LIPE: variants seen among roughly 807,000 people sequenced by gnomAD.
The protein encoded by LIPE is lipase E, hormone sensitive type, also known as hormone-sensitive lipase.
Under a neutral mutation model 88.5 loss-of-function variants are expected in LIPE, and 66 were observed. The ratio of observed to expected loss-of-function variants is 0.75; its 90% CI spans 0.61 to 0.91. LIPE has a LOEUF of 0.91. Ranked by LOEUF, LIPE falls within the 40% of genes least tolerant of loss-of-function variation. The probability of loss-of-function intolerance (pLI) is 0.00; values close to 1 mark genes in which losing one functional copy is unlikely to be tolerated. For missense variants in LIPE, 1,346 were observed against 1,434.7 expected (o/e 0.94, Z 1.00); for synonymous variants, 570 against 617.5 (o/e 0.92, Z 1.14).
Position 42,401,856 on chromosome 19 carries a change from TCTCCCCGCTCGGCCCGG to T in LIPE, c.3170_3186del (p.Ala1057AspfsTer28). On this transcript the variant is annotated frameshift_variant, in exon 10 of 10. Transcript: ENST00000244289. LOFTEE classifies it low-confidence loss of function (END_TRUNC). The stretch of plus-strand genomic sequence containing the variant: ...CCCCCGTCTACCCCCGCAGCCCCCG[TCTCCCCGCTCGGCCCGG>T]CTCCGGCGGGAGGAGTGAGGACGAG... The T allele has an allele frequency of 7.2e-7, 1 of 1,390,684 alleles. No individual in the cohort carries two copies. Among genetic ancestry groups the T allele is most frequent in the Non-Finnish European group, 9.7e-7 (1 of 1,030,080 alleles). 86.1% of individuals were successfully genotyped at this position (1,390,684 alleles called of 1,614,324 possible).
At chr19:42,422,366 T>A (rs2040614762) in intron 1 of LIPE, among the ~76,000 whole-genome samples, 1 of 152,238 alleles carries the variant, frequency 6.6e-6, no homozygotes, top group African/African-American at 2.4e-5. Flanking sequence ...CCCACGTTTC[T>A]TAACTACAGT....
intron 1 of LIPE, chr19:42,425,179 C>G (rs937607805): frequency 7.3e-5 from 12 of 164,558 alleles, no homozygotes; most frequent in African/African-American, 2.6e-4. Context: ...AATGTTCTGC[C>G]TAGCCTGCCT....
chr19:42,427,131 A>G lies in LIPE; in HGVS notation c.19T>C (p.Ser7Pro). 1.9e-6 allele frequency: 3 copies of G among 1,596,966 alleles called. No individual in the cohort carries two copies. The highest frequency in any genetic ancestry group is 2.6e-6 in the Non-Finnish European group (3 of 1,174,468). MEPGSK[S>P]VSRSDWQPEP... The stretch of plus-strand genomic sequence containing the variant: ...GGTTGCCAGTCTGACCTAGACACTG[A>G]CTTAGAACCTGGCTCCATTGTTATT... The change falls in exon 1 of 10, where the codon TCA (serine) becomes CCA (proline). Residue 7 changes from serine (S) to proline (P), a missense_variant. Physicochemically the swap from Ser to Pro is moderately conservative, Grantham distance 74. Transcript: ENST00000244289.
chr19:42,423,563 G>T (rs1221392133), intron 1 of LIPE: 16 of 1,226,818 alleles, frequency 1.3e-5, no homozygotes, highest in African/African-American at 1.6e-5. Flanking sequence ...TCCCGCGGGG[G>T]CCAATTCCAG....
intron 1 of LIPE, chr19:42,412,231 C>T (rs2040396028): frequency 1.0e-6 from 1 of 977,800 alleles, no homozygotes; most frequent in Admixed American, 6.1e-5. Flanking sequence ...TGGAATGCTA[C>T]CATCTGCTCC....
chr19:42,425,794 A>G (rs1232096083), intron 1 of LIPE, among the ~76,000 whole-genome samples: 1 of 152,012 alleles, frequency 6.6e-6, no homozygotes, highest in African/African-American at 2.4e-5. Context: ...TGGGCGACAG[A>G]GTGAGACTTT....
At position 42,407,143 on chromosome 19, in the gene LIPE, G is replaced by A. The variant is rs765805864; in HGVS notation, c.2137+31C>T. 9.5e-6 allele frequency: 14 copies of A among 1,468,612 alleles called. No homozygotes were observed. Among genetic ancestry groups the A allele is most frequent in the Non-Finnish European group, 1.2e-5 (13 of 1,108,684 alleles). The allele number at this position is 1,468,612 out of a possible 1,614,324, so 91.0% of individuals were successfully genotyped here. A position where few individuals can be genotyped will look rare whatever the true frequency, so the allele number is the denominator to read the frequency against. On this transcript the variant is annotated intron_variant, in intron 6 of 9. Transcript: ENST00000244289. This position sits in a 1 kb window ranked among gnomAD's most constrained non-coding sequence, Gnocchi z 5.8. ...AGCAAGCTGGGTGGGATGGGAGCAG[G>A]CGCAGGTGGCTGTGGGGGCCTGAGG...
chr19:42,423,531 C>T (rs1409528220), intron 1 of LIPE: 12 of 1,259,412 alleles, frequency 9.5e-6, no homozygotes, highest in Non-Finnish European at 1.2e-5. Flanking sequence ...CCCCGGCCAA[C>T]TCCATCAATT....
intron 9 of LIPE, 104 bp downstream of exon 9, chr19:42,402,503 C>T (rs1568593020): frequency 1.2e-5 from 13 of 1,058,404 alleles, no homozygotes; most frequent in Admixed American, 3.3e-5. Context: ...TTTCTCCCCA[C>T]TCCGGAGCTC....
chr19:42,408,950 G>A lies in LIPE; in HGVS notation c.1420-628C>T, dbSNP rs1332337034. 6.6e-6 allele frequency among the ~76,000 whole-genome samples: 1 copy of A among 152,112 alleles called. No homozygotes were observed. The highest frequency in any genetic ancestry group is 2.4e-5 in the African/African-American group (1 of 41,420). The stretch of plus-strand genomic sequence containing the variant: ...AGGTGGTGACATTGGAGAGGCAAAG[G>A]GGGCTCATATAGGGCCTGGGCAGAG... On this transcript the variant is annotated intron_variant, in intron 2 of 9. Transcript: ENST00000244289. The surrounding 1 kb of genome is among the most constrained non-coding windows in gnomAD (Gnocchi z 4.3).
At position 42,407,258 on chromosome 19, in the gene LIPE, G is replaced by T. The variant is rs2041286294; in HGVS notation, c.2053C>A (p.Leu685Met). 2.5e-6 allele frequency: 4 copies of T among 1,601,302 alleles called. No individual in the cohort carries two copies. The highest frequency in any genetic ancestry group is 3.4e-6 in the Non-Finnish European group (4 of 1,174,276). ...CGGGGGAAGGGGGCCTCAGGGGCCAGGGAGTAGTCGATGGAGATGATGGGG... is the reference window on the plus strand; with the variant it reads ...CGGGGGAAGGGGGCCTCAGGGGCCATGGAGTAGTCGATGGAGATGATGGGG... The part of the protein sequence containing the change: ...GAPIISIDYS[L>M]APEAPFPRAL... Residue 685 changes from leucine (L) to methionine (M), a missense_variant, in exon 6 of 10, where the codon CTG becomes ATG. Leu to Met is a conservative substitution (Grantham distance 15). Coordinates refer to ENST00000244289, the MANE Select transcript of LIPE (RefSeq NM_005357.4). The surrounding 1 kb of genome is among the most constrained non-coding windows in gnomAD (Gnocchi z 5.8).
rs1327183075 is a variant in LIPE at position 42,410,529 on chromosome 19, G to C, written c.1197C>G (p.Arg399=). 1.2e-5 allele frequency: 20 copies of C among 1,612,650 alleles called. No homozygotes were observed. Among genetic ancestry groups the C allele is most frequent in the Non-Finnish European group, 1.7e-5 (20 of 1,179,994 alleles). Residue 399 remains arginine, a synonymous_variant, in exon 2 of 10, where the codon CGC becomes CGG. Coordinates refer to ENST00000244289, the MANE Select transcript of LIPE (RefSeq NM_005357.4). The surrounding 1 kb of genome is among the most constrained non-coding windows in gnomAD (Gnocchi z 6.1). ...TGTGGCTGGTGCGGAAGAAGATGCT[G>C]CGGCGGTTGGAGGCCACATAGCGGG... ...HKSRYVASNR[R]SIFFRTSHNL...
In LIPE at chr19:42,408,301, A is replaced by G. The variant is rs754874195; in HGVS notation, c.1441T>C (p.Phe481Leu). Residue 481 changes from phenylalanine (F) to leucine (L), a missense_variant, in exon 3 of 10, where the codon TTC (phenylalanine) becomes CTC (leucine). Physicochemically the swap from Phe to Leu is conservative, Grantham distance 22. Coordinates refer to ENST00000244289, the MANE Select transcript of LIPE (RefSeq NM_005357.4). This position sits in a 1 kb window ranked among gnomAD's most constrained non-coding sequence, Gnocchi z 4.3. ...GFQFTPAIRP[F>L]LQTISIGLVS... ...AGCCCAATGGAGATGGTCTGCAGGA[A>G]TGGCCGGATGGCAGGCGTGAACTGT... 79 of 1,613,960 alleles carry G rather than the reference A, an allele frequency of 4.9e-5. No individual in the cohort carries two copies. Among genetic ancestry groups the G allele is most frequent in the Non-Finnish European group, 5.9e-5 (70 of 1,179,990 alleles).
At chr19:42,402,108 G>A (rs1253974664) in intron 9 of LIPE, 33 bp from the exon 10 acceptor site, 2 of 1,440,510 alleles carry the variant, frequency 1.4e-6, no homozygotes, top group Non-Finnish European at 1.8e-6. Flanking sequence ...GTGGAGAGAG[G>A]GTGGGGGACA....
rs577577047 is a variant in LIPE, at chr19:42,407,705, G to A, written c.1743C>T (p.Ala581=). 102 of 1,585,438 alleles carry A rather than the reference G, an allele frequency of 6.4e-5. No individual in the cohort carries two copies. Among genetic ancestry groups the A allele is most frequent in the Middle Eastern group, 1.7e-4 (1 of 5,904 alleles). ...PPEAFEMPLT[A]DPTLTVTISP... ...AGATGGTGACCGTGAGCGTGGGGTCGGCAGTCAGTGGCATCTCAAAGGCTT... is the reference window on the plus strand; with the variant it reads ...AGATGGTGACCGTGAGCGTGGGGTCAGCAGTCAGTGGCATCTCAAAGGCTT... The change falls in exon 5 of 10, where the codon GCC becomes GCT. Residue 581 remains alanine (A), a synonymous_variant. Transcript: ENST00000244289. This position sits in a 1 kb window ranked among gnomAD's most constrained non-coding sequence, Gnocchi z 5.8.
intron 8 of LIPE, among the ~76,000 whole-genome samples, chr19:42,404,901 C>T (rs572458515): frequency 5.3e-5 from 8 of 151,980 alleles, no homozygotes; most frequent in Non-Finnish European, 8.8e-5. Flanking sequence ...GACAAGGTAT[C>T]GCTGTGTCAC....
rs774002514 is a variant in LIPE, at chr19:42,407,447, GGCTGCTGA to G, written c.1856_1863del (p.Leu619ProfsTer67). On this transcript the variant is annotated frameshift_variant, in exon 6 of 10. Transcript: ENST00000244289. LOFTEE classifies it high-confidence loss of function. This position sits in a 1 kb window ranked among gnomAD's most constrained non-coding sequence, Gnocchi z 5.8. ...CTCCGTTGGCCGTTGGACTTTATCAGGCTGCTGAGCTCCTCACTGTCCTGGGGGTGAGG... is the reference window on the plus strand; with the variant it reads ...CTCCGTTGGCCGTTGGACTTTATCAGGCTCCTCACTGTCCTGGGGGTGAGG... 1.9e-6 allele frequency: 3 copies of G among 1,612,948 alleles called. No homozygotes were observed. In the African/African-American group the frequency reaches 4.0e-5, roughly 22 times the overall value.
At chr19:42,402,142 G>C in intron 9 of LIPE, 67 bp from the exon 10 acceptor site, 1 of 1,381,932 alleles carries the variant, frequency 7.2e-7, no homozygotes, top group Non-Finnish European at 9.5e-7. Context: ...CGGGTAGAGC[G>C]AGGAGGGGTT....
chr19:42,417,070 G>A (rs1280114071), intron 1 of LIPE, among the ~76,000 whole-genome samples: 1 of 151,954 alleles, frequency 6.6e-6, no homozygotes, highest in Admixed American at 6.5e-5. Flanking sequence ...ACAGGCGCCC[G>A]CCACCACACC....
Sources: gnomAD v4.1 joint callset for allele counts (sites outside exome capture counted in the v4.1 genomes callset) on GRCh38, gnomAD v4.1.1 for gene constraint, Gnocchi (gnomAD v3.1) non-coding constraint, MANE v1.5 for transcripts, NCBI Gene and HGNC (gene_info 2026-07-23, HGNC 2026-07-21) for gene names.